PTPRB: variants seen among roughly 807,000 people sequenced by gnomAD.
PTPRB encodes the protein receptor-type tyrosine-protein phosphatase beta.
A neutral mutation model predicts 238.1 loss-of-function variants in PTPRB; 97 were observed. The observed-to-expected ratio is 0.41, with a 90% CI of 0.35 to 0.48. The LOEUF (loss-of-function observed/expected upper bound fraction) is 0.48. Ranked by LOEUF, PTPRB falls within the 20% of genes least tolerant of loss-of-function variation. The pLI is 0.30. For synonymous variants in PTPRB, 970 were observed against 995.4 expected (o/e 0.97, Z 0.48); for missense variants, 2,292 against 2,681.9 (o/e 0.85, Z 3.21).
At chr12:70,544,858 CA>C (rs753881205) in intron 21 of PTPRB, among the ~76,000 whole-genome samples, 195 bp from the exon 22 acceptor site, 92 of 152,140 alleles carry the variant, frequency 6.0e-4, no homozygotes, top group Admixed American at 4.6e-4. Context: ...GCCCCTGCCA[CA>C]CGCCAATCAC....
In PTPRB at chr12:70,626,292, C is replaced by CATCCATCT. The variant is rs376933750; in HGVS notation, c.452-3654_452-3647dup. ...ACTTTAGAAAAGGATGATGTCTATC[C>CATCCATCT]ATCCATCTATCTATCTATCTATCTA... On this transcript the variant is annotated intron_variant, in intron 2 of 33. Coordinates refer to ENST00000334414, the MANE Select transcript of PTPRB (RefSeq NM_001109754.4). Among the ~76,000 whole-genome samples, 87 of 115,838 alleles carry CATCCATCT rather than the reference C, an allele frequency of 7.5e-4. 3 individuals are homozygous for CATCCATCT. Among genetic ancestry groups the CATCCATCT allele is most frequent in the African/African-American group, 2.9e-3 (84 of 28,500 alleles). 76.0% of individuals were successfully genotyped at this position (115,838 alleles called of 152,430 possible).
Position 70,521,282 on chromosome 12 carries a change from A to C in PTPRB, c.*207T>G, listed in dbSNP as rs1364916622. 9.5e-6 allele frequency: 4 copies of C among 419,528 alleles called. No individual in the cohort carries two copies. Among genetic ancestry groups the C allele is most frequent in the African/African-American group, 8.2e-5 (4 of 49,030 alleles). The allele number at this position is 419,528 out of a possible 1,614,324, so 26.0% of individuals were successfully genotyped here. A position where few individuals can be genotyped will look rare whatever the true frequency, so the allele number is the denominator to read the frequency against. Reference sequence around the variant, plus strand: ...TAATATTAAACATTATGAAAAATACATATTTACAGAAGAAACTACAAAATA... The same window carrying C: ...TAATATTAAACATTATGAAAAATACCTATTTACAGAAGAAACTACAAAATA... On this transcript the variant is annotated 3_prime_UTR_variant, in exon 34 of 34. Transcript: ENST00000334414.
At chr12:70,523,106 C>A (rs1871860575) in intron 33 of PTPRB, among the ~76,000 whole-genome samples, 1 of 151,988 alleles carries the variant, frequency 6.6e-6, no homozygotes, top group Admixed American at 6.6e-5. Flanking sequence ...CAGCTGATCA[C>A]CCACCTTGGC....
chr12:70,581,724 G>A (rs1881418700), intron 9 of PTPRB, among the ~76,000 whole-genome samples: 2 of 151,958 alleles, frequency 1.3e-5, no homozygotes, highest in Non-Finnish European at 2.9e-5. Context: ...TCAGTCTGTT[G>A]ATTATGGTCT....
intron 15 of PTPRB, among the ~76,000 whole-genome samples, chr12:70,564,836 AAATAATAAATAAT>A (rs759586260): frequency 0.051 from 1,677 of 32,766 alleles, 14 homozygotes; most frequent in African/African-American, 0.051. Context: ...CTGTCTCCAA[AAATAATAAATAAT>A]AATAATAATA....
intron 3 of PTPRB, among the ~76,000 whole-genome samples, chr12:70,618,983 A>G (rs1884798428): frequency 6.6e-6 from 1 of 152,166 alleles, no homozygotes; most frequent in Non-Finnish European, 1.5e-5. Context: ...GTGAGAAGAG[A>G]GAGAGAAAAG....
At chr12:70,588,105 AAAAAAAAAG>A (rs1209020446) in intron 8 of PTPRB, among the ~76,000 whole-genome samples, 14 of 150,928 alleles carry the variant, frequency 9.3e-5, no homozygotes, top group South Asian at 2.1e-4. Context: ...CAAAAAAAAA[AAAAAAAAAG>A]AAAAGAAAAG....
At position 70,571,157 on chromosome 12, in the gene PTPRB, G is replaced by A. The variant is rs773508079; in HGVS notation, c.3239C>T (p.Pro1080Leu). ...QLLFNDMKVFPPFHLVNTATE... is the reference protein window; with the variant it reads ...QLLFNDMKVFLPFHLVNTATE... ...TGCGGTATTTACAAGGTGAAAAGGA[G>A]GAAATACTTTCATGTCATTGAAGAG... is the stretch of plus-strand genomic sequence containing the variant. Residue 1080 changes from proline (P) to leucine (L), a missense_variant, in exon 13 of 34, where the codon CCT becomes CTT. Physicochemically the swap from Pro to Leu is moderately conservative, Grantham distance 98 (BLOSUM62 -3). This residue lies in a region of PTPRB where 683 missense variants were observed against 862.0 expected (regional missense o/e 0.79). Transcript: ENST00000334414. 6.2e-7 allele frequency: 1 copy of A among 1,613,880 alleles called. No individual in the cohort carries two copies.
rs1882831383 is a variant in PTPRB, at chr12:70,594,689, T to C, written c.1294A>G (p.Lys432Glu). ...SPVKDIGIST[K>E]ANSLLISWSH... ...CAGGAAATCAGGAGAGAATTGGCTT[T>C]TGTGGAAATACCAATATCTTTCACT... Residue 432 changes from lysine to glutamate, a missense_variant, in exon 6 of 34, where the codon AAA (lysine) becomes GAA (glutamate). Around this residue, in one of 4 missense-constraint regions of PTPRB, gnomAD observed 1,205 missense variants for 1,287.8 expected, o/e 0.94. Coordinates refer to ENST00000334414, the MANE Select transcript of PTPRB (RefSeq NM_001109754.4). 6.2e-7 allele frequency: 1 copy of C among 1,613,932 alleles called. No homozygotes were observed. The highest frequency in any genetic ancestry group is 1.7e-5 in the Admixed American group (1 of 60,006).
At chr12:70,556,193 ATT>A in intron 18 of PTPRB, 45 bp from the exon 19 acceptor site, 2 of 1,394,102 alleles carry the variant, frequency 1.4e-6, no homozygotes, top group Non-Finnish European at 9.7e-7. Context: ...CTCAGGGAGA[ATT>A]TTTTTTTTTC....
intron 3 of PTPRB, among the ~76,000 whole-genome samples, chr12:70,616,197 G>C (rs1884673009): frequency 6.6e-6 from 1 of 151,996 alleles, no homozygotes; most frequent in African/African-American, 2.4e-5. Flanking sequence ...TCCTGCCTCG[G>C]CCTCCCAAAG....
chr12:70,543,448 G>T (rs950190626), intron 22 of PTPRB, among the ~76,000 whole-genome samples: 8 of 152,184 alleles, frequency 5.3e-5, no homozygotes, highest in South Asian at 2.1e-4. Flanking sequence ...AAAAAGGAAA[G>T]AATTGTGTTT....
Position 70,609,197 on chromosome 12 carries a change from G to A in PTPRB, c.851C>T (p.Ala284Val), listed in dbSNP as rs141521355. Reference sequence around the variant, plus strand: ...GTCTATCCGAAAGGTAGGGCACAACGCGGCCCCCAGGGTGTCACTGCTATA... The same window carrying A: ...GTCTATCCGAAAGGTAGGGCACAACACGGCCCCCAGGGTGTCACTGCTATA... Reference protein sequence around the residue: ...LIYSSDTLGAALCPTFRIDNT... With the variant: ...LIYSSDTLGAVLCPTFRIDNT... Residue 284 changes from alanine to valine, a missense_variant, in exon 4 of 34, where the codon GCG becomes GTG. Ala to Val is a moderately conservative substitution (Grantham distance 64). Coordinates refer to ENST00000334414, the MANE Select transcript of PTPRB (RefSeq NM_001109754.4). 4.3e-6 allele frequency: 7 copies of A among 1,614,022 alleles called. No individual in the cohort carries two copies. In the Admixed American group the frequency reaches 6.7e-5, roughly 15 times the overall value.
In PTPRB at chr12:70,622,940, T is replaced by C. The variant is rs1885010634; in HGVS notation, c.452-294A>G. 2.2e-5 allele frequency among the ~76,000 whole-genome samples: 3 copies of C among 134,308 alleles called. No individual in the cohort carries two copies. In the South Asian group the frequency reaches 8.2e-4, roughly 37 times the overall value. 88.1% of individuals were successfully genotyped at this position (134,308 alleles called of 152,430 possible). On this transcript the variant is annotated intron_variant, in intron 2 of 33. Coordinates refer to ENST00000334414, the MANE Select transcript of PTPRB (RefSeq NM_001109754.4). Reference sequence around the variant, plus strand: ...AGAAAAGAGAATTAAACCTATTCTATGAGAATTTAGGGGGGGGGTCACTGA... The same window carrying C: ...AGAAAAGAGAATTAAACCTATTCTACGAGAATTTAGGGGGGGGGTCACTGA...
intron 31 of PTPRB, among the ~76,000 whole-genome samples, chr12:70,533,477 G>A (rs182197324): frequency 1.3e-5 from 2 of 151,420 alleles, no homozygotes; most frequent in Non-Finnish European, 2.9e-5. Context: ...TACCAGGCTC[G>A]CCAGAGAGAG....
Position 70,611,704 on chromosome 12 carries a change from C to G in PTPRB, c.709-2365G>C, listed in dbSNP as rs79609866. 3.4e-3 allele frequency among the ~76,000 whole-genome samples: 521 copies of G among 152,292 alleles called. 13 individuals carry two copies. In the East Asian group the frequency reaches 0.063, roughly 18 times the overall value. On this transcript the variant is annotated intron_variant, in intron 3 of 33. Coordinates refer to ENST00000334414, the MANE Select transcript of PTPRB (RefSeq NM_001109754.4). ...TACAGACTTTTAATCTACAGCCAGA[C>G]CAGAGATTTCAAATCCTTTCAAGTT...
At chr12:70,568,648 T>A (rs1879631049) in intron 14 of PTPRB, among the ~76,000 whole-genome samples, 1 of 152,126 alleles carries the variant, frequency 6.6e-6, no homozygotes, top group Admixed American at 6.5e-5. Flanking sequence ...GATATGCAGA[T>A]ATAGATATAA....
intron 2 of PTPRB, among the ~76,000 whole-genome samples, chr12:70,627,207 C>T (rs1025225230): frequency 3.3e-5 from 5 of 152,054 alleles, no homozygotes; most frequent in African/African-American, 1.2e-4. Context: ...GGAAGGAAGG[C>T]ATGCTGGGTG....
chr12:70,542,146 G>A (rs1875234152), intron 22 of PTPRB: 1 of 152,058 alleles, frequency 6.6e-6, no homozygotes, highest in African/African-American at 2.4e-5. Context: ...ATGCTACTGG[G>A]TGTGAAGTGG....
Sources: gnomAD v4.1 joint callset for allele counts (sites outside exome capture counted in the v4.1 genomes callset) on GRCh38, gnomAD v4.1.1 for gene constraint, gnomAD v4.1.1 regional missense constraint, MANE v1.5 for transcripts, NCBI Gene and HGNC (gene_info 2026-07-23, HGNC 2026-07-21) for gene names.